The following VAT1L variants were observed in gnomAD, a reference collection of about 807,000 sequenced individuals.
The protein encoded by VAT1L is putative NADPH-dependent quinone oxidoreductase VAT1L.
In VAT1L, 34 loss-of-function variants were observed where a neutral mutation model predicts 44.1. The observed-to-expected ratio is 0.77, with a 90% confidence interval of 0.59 to 1.03. The LOEUF is 1.03. Ranked by LOEUF, VAT1L falls within the 50% of genes least tolerant of loss-of-function variation. The pLI, the probability that VAT1L is intolerant of heterozygous loss-of-function variation, is 0.00. For missense variants in VAT1L, 615 were observed against 538.8 expected (o/e 1.14, Z -1.40); for synonymous variants, 253 against 202.2 (o/e 1.25, Z -2.13).
intron 7 of VAT1L, among the ~76,000 whole-genome samples, chr16:77,945,256 T>A (rs2017945774): frequency 7.0e-6 from 1 of 143,678 alleles, no homozygotes; most frequent in South Asian, 2.2e-4. Context: ...TCACTTGGAA[T>A]GGCCAATTCC....
chr16:77,969,803 G>T (rs1398699697), intron 7 of VAT1L, among the ~76,000 whole-genome samples: 1 of 151,976 alleles, frequency 6.6e-6, no homozygotes, highest in African/African-American at 2.4e-5. Flanking sequence ...GTGGGCAGTA[G>T]CTATAATGAA....
Position 77,894,261 on chromosome 16 carries a change from A to G in VAT1L, c.1077+9459A>G, listed in dbSNP as rs887573124. Among the ~76,000 whole-genome samples the G allele has an allele frequency of 2.0e-5, 3 of 152,238 alleles. No individual in the cohort carries two copies. In the East Asian group the frequency reaches 5.8e-4, roughly 29 times the overall value. On this transcript the variant is annotated intron_variant, in intron 7 of 8. Transcript: ENST00000302536. ...AAAGGAACCACCACGGCCATCTGAC[A>G]GGTCATTAGTGTCAGCTGCTGCTGA...
chr16:77,850,901 G>A (rs1293046309), intron 3 of VAT1L, among the ~76,000 whole-genome samples: 4 of 152,164 alleles, frequency 2.6e-5, no homozygotes, highest in South Asian at 2.1e-4. Context: ...ACGGCTCCAC[G>A]GTTGCTGGAG....
At chr16:77,929,713 A>T (rs983445618) in intron 7 of VAT1L, among the ~76,000 whole-genome samples, 1 of 152,226 alleles carries the variant, frequency 6.6e-6, no homozygotes, top group African/African-American at 2.4e-5. Context: ...AATACTCACA[A>T]GGTGACATGA....
chr16:77,944,795 G>C (rs1389090938), intron 7 of VAT1L, among the ~76,000 whole-genome samples: 2 of 152,082 alleles, frequency 1.3e-5, no homozygotes, highest in African/African-American at 4.8e-5. Context: ...GGGTGGCTGA[G>C]AGGCACATGT....
At chr16:77,896,033 C>T (rs2142471552) in intron 7 of VAT1L, among the ~76,000 whole-genome samples, 1 of 152,302 alleles carries the variant, frequency 6.6e-6, no homozygotes, top group Non-Finnish European at 1.5e-5. Context: ...AAAGGTTCAT[C>T]AGGCTGAGCA....
At chr16:77,939,469 C>T (rs1213370582) in intron 7 of VAT1L, among the ~76,000 whole-genome samples, 2 of 152,148 alleles carry the variant, frequency 1.3e-5, no homozygotes. Context: ...AATCAGGGCT[C>T]CCTTTAGAGA....
intron 8 of VAT1L, among the ~76,000 whole-genome samples, chr16:77,975,671 G>A (rs1323471489): frequency 1.3e-5 from 2 of 152,322 alleles, no homozygotes; most frequent in East Asian, 1.9e-4. Flanking sequence ...AAATTTCCTG[G>A]GAAACACTAA....
chr16:77,914,995 CAT>C (rs1353788549), intron 7 of VAT1L, among the ~76,000 whole-genome samples: 3 of 152,132 alleles, frequency 2.0e-5, no homozygotes, highest in Non-Finnish European at 2.9e-5. Context: ...CCTAGTGGCA[CAT>C]GTCTGTAATC....
intron 7 of VAT1L, among the ~76,000 whole-genome samples, chr16:77,943,429 G>T (rs2017916707): frequency 7.3e-6 from 1 of 137,478 alleles, no homozygotes; most frequent in African/African-American, 2.8e-5. Flanking sequence ...TCCCAGGCTG[G>T]ACTGTAGTTT....
chr16:77,961,064 G>T lies in VAT1L; in HGVS notation c.1078-10786G>T, dbSNP rs151047113. Reference sequence around the variant, plus strand: ...TAGCTACACAGAGTGAAATATTTTTGAATAAATTTTTCTGAGAGCATCTAT... The same window carrying T: ...TAGCTACACAGAGTGAAATATTTTTTAATAAATTTTTCTGAGAGCATCTAT... On this transcript the variant is annotated intron_variant, in intron 7 of 8. Transcript: ENST00000302536. Among the ~76,000 whole-genome samples, 4 of 152,176 alleles carry T rather than the reference G, an allele frequency of 2.6e-5. No individual in the cohort carries two copies. The East Asian group carries it at 7.8e-4, about 30-fold the overall frequency.
At chr16:77,913,965 C>T (rs1284138983) in intron 7 of VAT1L, among the ~76,000 whole-genome samples, 1 of 152,122 alleles carries the variant, frequency 6.6e-6, no homozygotes, top group Non-Finnish European at 1.5e-5. Flanking sequence ...TGATAAAATG[C>T]CTGAAGGCTG....
intron 3 of VAT1L, among the ~76,000 whole-genome samples, chr16:77,835,420 C>T (rs1454340360): frequency 1.3e-5 from 2 of 152,088 alleles, no homozygotes; most frequent in African/African-American, 2.4e-5. Context: ...TGTGGCTGTC[C>T]CAGCATCACT....
At chr16:77,881,636 A>T (rs1228386729) in intron 6 of VAT1L, among the ~76,000 whole-genome samples, 1 of 152,158 alleles carries the variant, frequency 6.6e-6, no homozygotes, top group African/African-American at 2.4e-5. Flanking sequence ...AATGGATAAT[A>T]CTCCCTGCAT....
chr16:77,958,771 C>G (rs2018131372), intron 7 of VAT1L, among the ~76,000 whole-genome samples: 1 of 152,206 alleles, frequency 6.6e-6, no homozygotes, highest in South Asian at 2.1e-4. Flanking sequence ...ACAAAAGGAA[C>G]AGTTGCTCCA....
In VAT1L at chr16:77,904,506, G is replaced by A. The variant is rs117706414; in HGVS notation, c.1077+19704G>A. ...CCACCCTCTCACTGTGTCCTCACGC[G>A]GTCCCCACTCTGTGGAGTCTCTTCT... On this transcript the variant is annotated intron_variant, in intron 7 of 8. Coordinates refer to ENST00000302536, the MANE Select transcript of VAT1L (RefSeq NM_020927.3). Among the ~76,000 whole-genome samples, 1,414 of 152,202 alleles carry A rather than the reference G, an allele frequency of 9.3e-3. 5 individuals are homozygous for A. The highest frequency in any genetic ancestry group is 0.014 in the Non-Finnish European group (969 of 68,012).
Position 77,893,813 on chromosome 16 carries a change from A to C in VAT1L, c.1077+9011A>C, listed in dbSNP as rs144253956. 3.9e-3 allele frequency among the ~76,000 whole-genome samples: 591 copies of C among 152,312 alleles called. 4 individuals carry two copies. The highest frequency in any genetic ancestry group is 0.013 in the African/African-American group (547 of 41,564). ...ATTTGATGGAAATTTGAACCCCAGG[A>C]AAGTCTGATGTATAGAAGTTTTTGG... On this transcript the variant is annotated intron_variant, in intron 7 of 8. Coordinates refer to ENST00000302536, the MANE Select transcript of VAT1L (RefSeq NM_020927.3).
Position 77,845,318 on chromosome 16 carries a change from C to T in VAT1L, c.580-17430C>T, listed in dbSNP as rs543052400. On this transcript the variant is annotated intron_variant, in intron 3 of 8. Transcript: ENST00000302536. ...CCACAGGCGCATCCCTCAGCAGGTG[C>T]GGGATAAGAGTGTGGCAGTATGTTC... is the stretch of plus-strand genomic sequence containing the variant. Among the ~76,000 whole-genome samples the T allele has an allele frequency of 5.9e-5, 9 of 152,260 alleles. No homozygotes were observed. In the South Asian group the frequency reaches 6.2e-4, roughly 11 times the overall value.
chr16:77,916,140 T>C (rs544313850), intron 7 of VAT1L, among the ~76,000 whole-genome samples: 1 of 152,150 alleles, frequency 6.6e-6, no homozygotes, highest in East Asian at 1.9e-4. Context: ...AGTAGCACGG[T>C]AGGGTCTGTA....
Sources: allele counts gnomAD v4.1 joint callset (sites outside exome capture counted in the v4.1 genomes callset), GRCh38; gene constraint gnomAD v4.1.1; transcripts MANE v1.5; gene names NCBI Gene and HGNC (gene_info 2026-07-23, HGNC 2026-07-21).